Variants in BICDL1 observed in about 807,000 individuals in gnomAD.
BICDL1 encodes BICD family like cargo adaptor 1.
Under a neutral mutation model 76.8 loss-of-function variants are expected in BICDL1, and 20 were observed. The observed-to-expected ratio is 0.26, with a 90% CI of 0.18 to 0.38. BICDL1 has a LOEUF of 0.38. Among genes scored for constraint, BICDL1 ranks in the 10% least tolerant of loss-of-function variants. The pLI is 1.00. For synonymous variants in BICDL1, 383 were observed against 337.1 expected, an observed-to-expected ratio of 1.14 and a Z score of -1.49; for missense variants, 700 against 798.6, an observed-to-expected ratio of 0.88 and a Z score of 1.49.
chr12:120,081,080 G>A (rs1873934335), intron 8 of BICDL1, 63 bp downstream of exon 8: 2 of 1,524,730 alleles, frequency 1.3e-6, no homozygotes, highest in African/African-American at 1.4e-5. Context: ...TTGAGCATAT[G>A]CTCAATTTTT....
chr12:120,084,449 G>A (rs937178633), intron 8 of BICDL1, among the ~76,000 whole-genome samples: 5 of 152,156 alleles, frequency 3.3e-5, no homozygotes, highest in African/African-American at 4.8e-5. Context: ...TCTGATTCCC[G>A]TCTTCCTGAC....
chr12:120,050,583 A>G (rs1352877653), intron 2 of BICDL1, among the ~76,000 whole-genome samples: 1 of 151,798 alleles, frequency 6.6e-6, no homozygotes, highest in Non-Finnish European at 1.5e-5. Flanking sequence ...TGTTTTCTTA[A>G]TGATGTCTTC....
At chr12:120,084,721 C>T (rs1371541077) in intron 8 of BICDL1, among the ~76,000 whole-genome samples, 1 of 151,936 alleles carries the variant, frequency 6.6e-6, no homozygotes, top group Non-Finnish European at 1.5e-5. Context: ...GAAAGCCCGT[C>T]TCTACTAAAA....
chr12:120,061,787 C>T lies in BICDL1; in HGVS notation c.723C>T (p.Thr241=), dbSNP rs763349303. ...ACTTTCGGGAGAAAAACTCATCAAC[C>T]AACCAGCACATTATCCGGCTGGAGA... The part of the protein sequence containing the change: ...REDFREKNSS[T]NQHIIRLESL... The change falls in exon 3 of 10, where the codon ACC becomes ACT. Residue 241 remains threonine, a synonymous_variant. Coordinates refer to ENST00000548673, the MANE Select transcript of BICDL1 (RefSeq NM_001367886.1). 2.6e-5 allele frequency: 42 copies of T among 1,614,064 alleles called. No individual in the cohort carries two copies. Among genetic ancestry groups the T allele is most frequent in the Non-Finnish European group, 3.6e-5 (42 of 1,180,024 alleles).
intron 2 of BICDL1, among the ~76,000 whole-genome samples, chr12:120,045,804 G>A (rs1952736799): frequency 6.6e-6 from 1 of 150,594 alleles, no homozygotes; most frequent in Non-Finnish European, 1.5e-5. Context: ...AGCATTGGGA[G>A]ATATACCTAA....
chr12:120,031,202 CCTTTTT>C (rs1952415340), intron 2 of BICDL1, among the ~76,000 whole-genome samples: 1 of 141,858 alleles, frequency 7.0e-6, no homozygotes, highest in South Asian at 2.3e-4. Flanking sequence ...TTAACATGTT[CCTTTTT>C]TTTTTTTTTT....
Position 120,071,606 on chromosome 12 carries a change from G to A in BICDL1, c.910-16G>A. On this transcript the variant is annotated splice_polypyrimidine_tract_variant and intron_variant, in intron 4 of 9. Transcript: ENST00000548673. The surrounding 1 kb of genome is among the most constrained non-coding windows in gnomAD (Gnocchi z 4.8). ...TGTGTTTGGTAAACCTCAACCATTT[G>A]CTCTTTCTTTGAAAGCTGCACCAAA... 1 of 1,594,070 alleles carries A rather than the reference G, an allele frequency of 6.3e-7. No individual in the cohort carries two copies. The highest frequency in any genetic ancestry group is 8.5e-7 in the Non-Finnish European group (1 of 1,169,746).
chr12:120,040,053 T>G (rs992456260), intron 2 of BICDL1, among the ~76,000 whole-genome samples: 1 of 152,178 alleles, frequency 6.6e-6, no homozygotes, highest in Admixed American at 6.5e-5. Context: ...ACCTAGCTGC[T>G]GTATCCAAAA....
At chr12:120,026,732 T>G in intron 2 of BICDL1, among the ~76,000 whole-genome samples, 1 of 151,700 alleles carries the variant, frequency 6.6e-6, no homozygotes, top group African/African-American at 2.4e-5. Context: ...TGAGCAGGAG[T>G]TTTCTGCTGC....
At chr12:120,007,609 T>C (rs965944816) in intron 2 of BICDL1, among the ~76,000 whole-genome samples, 4 of 152,210 alleles carry the variant, frequency 2.6e-5, no homozygotes, top group African/African-American at 9.7e-5. Context: ...TAATGCCTTA[T>C]CCACACACAA....
At chr12:120,043,377 A>G (rs984501906) in intron 2 of BICDL1, among the ~76,000 whole-genome samples, 8 of 152,246 alleles carry the variant, frequency 5.3e-5, no homozygotes, top group African/African-American at 1.9e-4. Flanking sequence ...AAAGGATTTC[A>G]AATCCATCTG....
chr12:120,016,203 A>G (rs1952056616), intron 2 of BICDL1, among the ~76,000 whole-genome samples: 3 of 152,202 alleles, frequency 2.0e-5, no homozygotes, highest in Admixed American at 2.0e-4. Flanking sequence ...CACGTCTGTG[A>G]GGTTCACTCG....
intron 9 of BICDL1, chr12:120,090,826 G>A (rs944329427): frequency 1.9e-5 from 23 of 1,229,434 alleles, no homozygotes; most frequent in Middle Eastern, 2.8e-4. Flanking sequence ...CAGGGTGCCC[G>A]TCCCTGGCTC....
At chr12:120,051,000 G>T (rs149905976) in intron 2 of BICDL1, among the ~76,000 whole-genome samples, 2 of 152,120 alleles carry the variant, frequency 1.3e-5, no homozygotes, top group African/African-American at 4.8e-5. Flanking sequence ...ATCTGAGAAG[G>T]TTGTACTTTA....
At chr12:120,016,797 G>A (rs889794293) in intron 2 of BICDL1, among the ~76,000 whole-genome samples, 1 of 151,700 alleles carries the variant, frequency 6.6e-6, no homozygotes, top group East Asian at 1.9e-4. Flanking sequence ...CCAACAATGC[G>A]TGAGAGTTCC....
intron 2 of BICDL1, among the ~76,000 whole-genome samples, chr12:120,035,391 T>C (rs369128555): frequency 8.8e-4 from 134 of 152,352 alleles, no homozygotes; most frequent in African/African-American, 2.7e-3. Context: ...CCAAGCATTA[T>C]GTAAGATACC....
intron 2 of BICDL1, among the ~76,000 whole-genome samples, chr12:120,051,927 T>TTTG (rs144679799): frequency 0.046 from 7,047 of 151,620 alleles, 194 homozygotes; most frequent in African/African-American, 0.058. Context: ...TTTCTCAGTC[T>TTTG]TTGTTGTTGT....
chr12:120,066,294 C>T (rs924455025), intron 4 of BICDL1, among the ~76,000 whole-genome samples: 6 of 152,140 alleles, frequency 3.9e-5, no homozygotes, highest in Non-Finnish European at 5.9e-5. Flanking sequence ...GCATTTATTA[C>T]CCTATCAAGC....
At chr12:120,008,215 G>A (rs1176404657) in intron 2 of BICDL1, among the ~76,000 whole-genome samples, 1 of 132,362 alleles carries the variant, frequency 7.6e-6, no homozygotes, top group African/African-American at 2.9e-5. Context: ...CTGGAGTGCA[G>A]CAGCGCCATC....
Sources: gnomAD v4.1 joint callset for allele counts (sites outside exome capture counted in the v4.1 genomes callset) on GRCh38, gnomAD v4.1.1 for gene constraint, Gnocchi (gnomAD v3.1) non-coding constraint, MANE v1.5 for transcripts, NCBI Gene and HGNC (gene_info 2026-07-23, HGNC 2026-07-21) for gene names.